Variants in DMD observed in about 807,000 individuals in gnomAD.
DMD encodes mutant dystrophin.
DMD carries 63 observed loss-of-function variants against 330.1 expected under a neutral mutation model. That is an observed-to-expected ratio of 0.19 (90% CI 0.16 to 0.24). The LOEUF (loss-of-function observed/expected upper bound fraction) is 0.24. DMD is among the 10% of genes least tolerant of loss of function. The probability of loss-of-function intolerance (pLI) is 1.00; values close to 1 mark genes in which losing one functional copy is unlikely to be tolerated. For synonymous variants in DMD, 1,223 were observed against 959.8 expected (o/e 1.27, Z -5.07); for missense variants, 3,344 against 2,684.1 (o/e 1.25, Z -5.43).
chrX:32,101,887 G>A (rs1189247734), intron 44 of DMD, among the ~76,000 whole-genome samples: 1 of 111,368 alleles, frequency 9.0e-6, no homozygotes, highest in Admixed American at 9.5e-5. Context: ...CCTTATGAAT[G>A]GATTCATCCA....
At chrX:31,528,885 C>T (rs1160764573) in intron 55 of DMD, among the ~76,000 whole-genome samples, 1 of 111,316 alleles carries the variant, frequency 9.0e-6, no homozygotes, top group East Asian at 2.8e-4. Context: ...AATCCAGGTG[C>T]TTTGGGAGGC....
chrX:32,124,423 C>G (rs763680902), intron 44 of DMD, among the ~76,000 whole-genome samples: 2 of 112,017 alleles, frequency 1.8e-5, no homozygotes, highest in Non-Finnish European at 3.8e-5. Context: ...AAGCCACATG[C>G]AAAAGAGACC....
chrX:31,806,463 T>C (rs991119074), intron 50 of DMD, among the ~76,000 whole-genome samples: 1 of 112,643 alleles, frequency 8.9e-6, no homozygotes, highest in African/African-American at 3.2e-5. Context: ...ACAATTTTAT[T>C]ATTTTTTGAT....
At chrX:33,041,343 T>C in intron 1 of DMD, 1 of 1,159,367 alleles carries the variant, frequency 8.6e-7, no homozygotes, top group Non-Finnish European at 1.2e-6. Flanking sequence ...CGCGTCGCCC[T>C]CCACGGTTAC....
At position 32,849,805 on chromosome X, in the gene DMD, T is replaced by G. The variant is rs763415074; in HGVS notation, c.109A>C (p.Ile37Leu). The G allele has an allele frequency of 1.7e-6, 2 of 1,201,211 alleles. No individual in the cohort carries two copies. The highest frequency in any genetic ancestry group is 5.9e-5 in the East Asian group (2 of 33,654). ...TGTAGGTCACTGAAGAGGTTCTCAA[T>G]ATGCTGCTTCCCAAACTGAAATTAA... Reference protein sequence around the residue: ...AQFSKFGKQHIENLFSDLQDG... With the variant: ...AQFSKFGKQHLENLFSDLQDG... Residue 37 changes from isoleucine to leucine, a missense_variant, in exon 3 of 79, where the codon ATT becomes CTT. Ile to Leu is a conservative substitution (Grantham distance 5). Coordinates refer to ENST00000357033, the MANE Select transcript of DMD (RefSeq NM_004006.3).
At chrX:31,337,974 G>A (rs1017791871) in intron 61 of DMD, among the ~76,000 whole-genome samples, 6 of 111,515 alleles carry the variant, frequency 5.4e-5, no homozygotes, top group Admixed American at 1.9e-4. Context: ...AAGTCTAGGA[G>A]AGGTTAATAC....
chrX:32,793,913 A>G, intron 7 of DMD, among the ~76,000 whole-genome samples: 1 of 111,638 alleles, frequency 9.0e-6, no homozygotes, highest in Non-Finnish European at 1.9e-5. Flanking sequence ...CATTACCCTG[A>G]TGCCAAACCC....
At chrX:33,237,663 T>C (rs1001138795) in intron 1 of DMD, among the ~76,000 whole-genome samples, 13 of 112,312 alleles carry the variant, frequency 1.2e-4, no homozygotes, top group African/African-American at 4.2e-4. Flanking sequence ...GCATTTCATT[T>C]CTATTTGTGA....
intron 60 of DMD, among the ~76,000 whole-genome samples, chrX:31,390,193 C>T (rs1409568916): frequency 9.2e-6 from 1 of 109,003 alleles, no homozygotes; most frequent in African/African-American, 3.3e-5. Flanking sequence ...CACATTTATT[C>T]ACATCCTTGA....
intron 43 of DMD, among the ~76,000 whole-genome samples, chrX:32,277,474 T>C (rs2097395043): frequency 9.0e-6 from 1 of 111,618 alleles, no homozygotes; most frequent in Non-Finnish European, 1.9e-5. Flanking sequence ...AATAAATGGA[T>C]CTAATATTTA....
intron 50 of DMD, among the ~76,000 whole-genome samples, chrX:31,799,995 C>T (rs918350884): frequency 8.9e-6 from 1 of 112,893 alleles, no homozygotes; most frequent in African/African-American, 3.2e-5. Context: ...GGCAGCTCTG[C>T]CCTTGTGGCT....
At chrX:33,081,836 T>G (rs2094934610) in intron 1 of DMD, among the ~76,000 whole-genome samples, 1 of 111,793 alleles carries the variant, frequency 8.9e-6, no homozygotes, top group Non-Finnish European at 1.9e-5. Context: ...CCTCATAATG[T>G]GAAGTAATTT....
chrX:32,764,956 G>C (rs1569513912), intron 7 of DMD, among the ~76,000 whole-genome samples: 2 of 68,780 alleles, frequency 2.9e-5, no homozygotes, highest in Admixed American at 1.9e-4. Context: ...TTATTTTCTG[G>C]GTTTTTTTTT....
At chrX:33,107,791 C>A (rs2095304445) in intron 1 of DMD, among the ~76,000 whole-genome samples, 2 of 111,457 alleles carry the variant, frequency 1.8e-5, no homozygotes, top group African/African-American at 6.5e-5. Context: ...TTATTTAGTT[C>A]AGGTTATAAT....
At chrX:32,020,465 G>A (rs1174209482) in intron 44 of DMD, among the ~76,000 whole-genome samples, 1 of 112,304 alleles carries the variant, frequency 8.9e-6, no homozygotes, top group Non-Finnish European at 1.9e-5. Flanking sequence ...TGCAAGTGGA[G>A]GTAGGGCCTT....
chrX:31,413,758 T>C (rs771858435), intron 60 of DMD, among the ~76,000 whole-genome samples: 36 of 110,923 alleles, frequency 3.2e-4, no homozygotes, highest in African/African-American at 1.1e-3. Flanking sequence ...GTATAATTCA[T>C]GTAGTTTAAT....
chrX:32,599,478 T>C (rs941734515), intron 12 of DMD, among the ~76,000 whole-genome samples: 8 of 111,713 alleles, frequency 7.2e-5, no homozygotes, highest in Non-Finnish European at 1.5e-4. Context: ...CTATATTTAA[T>C]TACAATTTTA....
At chrX:31,576,195 C>T (rs1039765685) in intron 55 of DMD, among the ~76,000 whole-genome samples, 1 of 111,285 alleles carries the variant, frequency 9.0e-6, no homozygotes, top group East Asian at 2.8e-4. Context: ...CAAATACAGA[C>T]CTCATTTATA....
intron 55 of DMD, among the ~76,000 whole-genome samples, chrX:31,623,348 C>A (rs1466594682): frequency 9.0e-6 from 1 of 111,354 alleles, no homozygotes. Context: ...ACTGCAACCT[C>A]CACCTCCTGG....
Sources: allele counts gnomAD v4.1 joint callset (sites outside exome capture counted in the v4.1 genomes callset), GRCh38; gene constraint gnomAD v4.1.1; transcripts MANE v1.5; gene names NCBI Gene and HGNC (gene_info 2026-07-23, HGNC 2026-07-21).